PLCL1: variants seen among roughly 807,000 people sequenced by gnomAD.
The protein encoded by PLCL1 is phospholipase C like 1 (inactive).
Under a neutral mutation model 84.4 loss-of-function variants are expected in PLCL1, and 41 were observed. The observed-to-expected ratio is 0.49, with a 90% CI of 0.38 to 0.63. PLCL1 has a LOEUF of 0.63. Among genes scored for constraint, PLCL1 ranks in the 30% least tolerant of loss-of-function variants. PLCL1 has a pLI of 0.00. For missense variants in PLCL1, 1,206 were observed against 1,367.8 expected (o/e 0.88, Z 1.87); for synonymous variants, 490 against 488.3 (o/e 1.00, Z -0.05).
chr2:197,830,136 G>T (rs1363954480), intron 1 of PLCL1, among the ~76,000 whole-genome samples: 1 of 151,938 alleles, frequency 6.6e-6, no homozygotes, highest in Non-Finnish European at 1.5e-5. Context: ...ACAACTCCTG[G>T]CCAGCAAGGG....
chr2:197,808,369 A>C (rs1226576293), intron 1 of PLCL1, among the ~76,000 whole-genome samples: 1 of 152,224 alleles, frequency 6.6e-6, no homozygotes, highest in Non-Finnish European at 1.5e-5. Flanking sequence ...ATATATTTCT[A>C]ATTAAGAAAT....
intron 1 of PLCL1, among the ~76,000 whole-genome samples, chr2:198,075,488 G>A (rs1692557108): frequency 6.6e-6 from 1 of 152,192 alleles, no homozygotes; most frequent in African/African-American, 2.4e-5. Context: ...GGACCATGTT[G>A]TTGACTAGAG....
At chr2:197,952,545 G>T (rs780987512) in intron 1 of PLCL1, among the ~76,000 whole-genome samples, 3 of 152,256 alleles carry the variant, frequency 2.0e-5, no homozygotes, top group Non-Finnish European at 4.4e-5. Flanking sequence ...TTATTGGAGA[G>T]CCTGTCCATA....
chr2:197,928,466 A>C (rs950374063), intron 1 of PLCL1, among the ~76,000 whole-genome samples: 1 of 152,228 alleles, frequency 6.6e-6, no homozygotes, highest in African/African-American at 2.4e-5. Context: ...TATGTCTTAG[A>C]TAAATATTCA....
chr2:197,960,685 A>G (rs1689599487), intron 1 of PLCL1, among the ~76,000 whole-genome samples: 1 of 152,140 alleles, frequency 6.6e-6, no homozygotes, highest in Admixed American at 6.6e-5. Flanking sequence ...CCATCTGTGC[A>G]GTATGACTGG....
At chr2:197,860,761 G>GATATT (rs1200770717) in intron 1 of PLCL1, among the ~76,000 whole-genome samples, 1 of 152,090 alleles carries the variant, frequency 6.6e-6, no homozygotes, top group African/African-American at 2.4e-5. Flanking sequence ...ATAGATGCTG[G>GATATT]ATATTAGATC....
At chr2:198,056,506 C>G (rs925711687) in intron 1 of PLCL1, among the ~76,000 whole-genome samples, 1 of 152,154 alleles carries the variant, frequency 6.6e-6, no homozygotes, top group African/African-American at 2.4e-5. Context: ...CTTTCCACTT[C>G]GTGATCTTGG....
Position 197,944,817 on chromosome 2 carries a change from G to A in PLCL1, c.241-138941G>A, listed in dbSNP as rs556138836. Among the ~76,000 whole-genome samples the A allele has an allele frequency of 1.2e-3, 177 of 152,230 alleles. 2 individuals are homozygous for A. Among genetic ancestry groups the A allele is most frequent in the African/African-American group, 3.7e-3 (154 of 41,556 alleles). ...ATCAGCTTGCTTCTTGTAGTCACTG[G>A]CTTGACTTTTCTTCTCTCTGCTGTT... On this transcript the variant is annotated intron_variant, in intron 1 of 5. Transcript: ENST00000428675.
intron 3 of PLCL1, among the ~76,000 whole-genome samples, chr2:198,091,092 T>C (rs1308223011): frequency 1.3e-5 from 2 of 152,200 alleles, no homozygotes; most frequent in African/African-American, 4.8e-5. Flanking sequence ...CAGTTCTCTA[T>C]GGAAAACCAT....
At chr2:197,870,713 C>T (rs774560591) in intron 1 of PLCL1, among the ~76,000 whole-genome samples, 23 of 152,112 alleles carry the variant, frequency 1.5e-4, no homozygotes, top group Non-Finnish European at 2.9e-4. Context: ...ACCCATACCT[C>T]CAAGTCCAGC....
intron 1 of PLCL1, among the ~76,000 whole-genome samples, chr2:198,046,179 A>C (rs1691785365): frequency 6.6e-6 from 1 of 152,246 alleles, no homozygotes; most frequent in African/African-American, 2.4e-5. Flanking sequence ...TTCATGCTAC[A>C]GTGGCAAAAT....
At chr2:197,976,083 C>T (rs1689975363) in intron 1 of PLCL1, among the ~76,000 whole-genome samples, 1 of 152,192 alleles carries the variant, frequency 6.6e-6, no homozygotes, top group African/African-American at 2.4e-5. Flanking sequence ...TTCTAAATTA[C>T]AAGTTCCTGA....
chr2:197,937,244 T>G (rs757922737), intron 1 of PLCL1, among the ~76,000 whole-genome samples: 12 of 152,194 alleles, frequency 7.9e-5, no homozygotes, highest in Non-Finnish European at 1.6e-4. Context: ...TTCAAGATTG[T>G]TTTTGCTATT....
At chr2:197,925,598 C>T (rs1688816603) in intron 1 of PLCL1, among the ~76,000 whole-genome samples, 1 of 152,192 alleles carries the variant, frequency 6.6e-6, no homozygotes, top group African/African-American at 2.4e-5. Context: ...GTACCCACAT[C>T]TTCTCAAGTG....
chr2:197,935,800 T>C (rs1181172871), intron 1 of PLCL1, among the ~76,000 whole-genome samples: 1 of 152,186 alleles, frequency 6.6e-6, no homozygotes, highest in Non-Finnish European at 1.5e-5. Flanking sequence ...ATTTCAGCTA[T>C]ACCATATGTT....
intron 1 of PLCL1, among the ~76,000 whole-genome samples, chr2:198,076,406 A>G (rs1033460508): frequency 6.6e-5 from 10 of 152,236 alleles, no homozygotes; most frequent in Non-Finnish European, 8.8e-5. Flanking sequence ...ATAAAATTTA[A>G]TGGTAAATTC....
chr2:198,078,238 A>G (rs1451889571), intron 1 of PLCL1, among the ~76,000 whole-genome samples: 1 of 152,196 alleles, frequency 6.6e-6, no homozygotes, highest in East Asian at 1.9e-4. Context: ...CAGAGTAGGT[A>G]CCTATTCTTG....
Position 198,084,556 on chromosome 2 carries a change from C to A in PLCL1, c.1039C>A (p.His347Asn). The A allele has an allele frequency of 6.2e-7, 1 of 1,613,676 alleles. No homozygotes were observed. Among genetic ancestry groups the A allele is most frequent in the Non-Finnish European group, 8.5e-7 (1 of 1,179,628 alleles). ...TTTAGAAGCTGAGCAAGGAGTCACC[C>A]ATATCACCGAGGATATATGCTTAGA... ...LFLEAEQGVT[H>N]ITEDICLDII... Residue 347 changes from histidine to asparagine, a missense_variant, in exon 2 of 6, where the codon CAT becomes AAT. Coordinates refer to ENST00000428675, the MANE Select transcript of PLCL1 (RefSeq NM_006226.4).
rs578188554 is a variant in PLCL1, at chr2:197,901,298, G to A, written c.240+95959G>A. Among the ~76,000 whole-genome samples the A allele has an allele frequency of 1.8e-3, 268 of 152,232 alleles. 1 individual carries two copies. Among genetic ancestry groups the A allele is most frequent in the Middle Eastern group, 6.8e-3 (2 of 294 alleles). ...CATAGGAAGTTAACTAAGAAATGAG[G>A]AATTTATAATCTAGCAGAAAAGGCA... On this transcript the variant is annotated intron_variant, in intron 1 of 5. Coordinates refer to ENST00000428675, the MANE Select transcript of PLCL1 (RefSeq NM_006226.4).
Sources: gnomAD v4.1 joint callset for allele counts (sites outside exome capture counted in the v4.1 genomes callset) on GRCh38, gnomAD v4.1.1 for gene constraint, MANE v1.5 for transcripts, NCBI Gene and HGNC (gene_info 2026-07-23, HGNC 2026-07-21) for gene names.